ERC1: variants seen among roughly 807,000 people sequenced by gnomAD.
ERC1 encodes the protein ELKS/RAB6-interacting/CAST family member 1.
Under a neutral mutation model 132.0 loss-of-function variants are expected in ERC1, and 56 were observed. The ratio of observed to expected loss-of-function variants is 0.42; its 90% CI spans 0.34 to 0.53. The LOEUF is 0.53. Among genes scored for constraint, ERC1 ranks in the 20% least tolerant of loss-of-function variants. ERC1 has a pLI of 0.03. For missense variants in ERC1, 1,202 were observed against 1,349.9 expected (o/e 0.89, Z 1.72); for synonymous variants, 478 against 476.1 (o/e 1.00, Z -0.05).
At chr12:1,408,032 T>G in intron 16 of ERC1, 117 bp from the exon 17 acceptor site, 1 of 672,820 alleles carries the variant, frequency 1.5e-6, no homozygotes, top group Middle Eastern at 2.7e-4. Context: ...TTAGTTTATT[T>G]TATTGCAGAC....
intron 11 of ERC1, among the ~76,000 whole-genome samples, chr12:1,185,728 G>A (rs1594059408): frequency 7.3e-6 from 1 of 136,304 alleles, no homozygotes; most frequent in Non-Finnish European, 1.5e-5. Context: ...GGAACTCTAG[G>A]TTGTTTTTTT....
intron 8 of ERC1, among the ~76,000 whole-genome samples, chr12:1,169,460 T>G (rs1952818832): frequency 6.6e-6 from 1 of 152,202 alleles, no homozygotes; most frequent in Admixed American, 6.5e-5. Flanking sequence ...CTTTGGGACT[T>G]CGTGGCAGCT....
intron 17 of ERC1, among the ~76,000 whole-genome samples, chr12:1,419,243 G>A (rs1227468773): frequency 6.6e-6 from 1 of 152,036 alleles, no homozygotes; most frequent in African/African-American, 2.4e-5. Context: ...CCCCATGGTA[G>A]CAATGTATGT....
rs184657958 is a variant in ERC1 at position 1,322,002 on chromosome 12, C to T, written c.2780+31990C>T. 1.1e-4 allele frequency among the ~76,000 whole-genome samples: 16 copies of T among 150,902 alleles called. No individual in the cohort carries two copies. In the East Asian group the frequency reaches 2.3e-3, roughly 22 times the overall value. The stretch of plus-strand genomic sequence containing the variant: ...GCTTTCCATCTTTCCATACCACGTT[C>T]GGCAGTGGTAATATGTTTTATACCC... On this transcript the variant is annotated intron_variant, in intron 15 of 18. Coordinates refer to ENST00000360905, the MANE Select transcript of ERC1 (RefSeq NM_178040.4).
At chr12:1,211,492 A>G (rs1477440886) in intron 12 of ERC1, among the ~76,000 whole-genome samples, 1 of 152,164 alleles carries the variant, frequency 6.6e-6, no homozygotes, top group African/African-American at 2.4e-5. Flanking sequence ...ATGACTTTCC[A>G]AGAAAACTAG....
intron 3 of ERC1, among the ~76,000 whole-genome samples, chr12:1,091,377 A>G (rs1241234004): frequency 6.6e-6 from 1 of 151,916 alleles, no homozygotes; most frequent in Non-Finnish European, 1.5e-5. Context: ...TGAAGAGAAG[A>G]AGCCAGCTTT....
At chr12:1,478,791 T>TAAAA (rs149249485) in intron 18 of ERC1, among the ~76,000 whole-genome samples, 39 of 148,082 alleles carry the variant, frequency 2.6e-4, no homozygotes, top group African/African-American at 6.6e-4. Flanking sequence ...TCTGTCTCAA[T>TAAAA]AAAAAAAAGA....
At chr12:1,444,996 T>C (rs550726860) in intron 18 of ERC1, 342 of 393,764 alleles carry the variant, frequency 8.7e-4, no homozygotes, top group African/African-American at 6.3e-3. Flanking sequence ...TGATTTTTAA[T>C]TGATTTTTTA....
At chr12:1,140,688 T>G (rs1423269728) in intron 7 of ERC1, among the ~76,000 whole-genome samples, 1 of 152,202 alleles carries the variant, frequency 6.6e-6, no homozygotes, top group African/African-American at 2.4e-5. Context: ...CATAGAACCA[T>G]ACTTGATTTC....
At chr12:1,077,434 A>G (rs1941527520) in intron 2 of ERC1, among the ~76,000 whole-genome samples, 1 of 152,196 alleles carries the variant, frequency 6.6e-6, no homozygotes, top group South Asian at 2.1e-4. Flanking sequence ...AATTGTTGTA[A>G]TAAAAGTCAT....
At chr12:1,447,760 G>A (rs559336323) in intron 18 of ERC1, among the ~76,000 whole-genome samples, 137 of 151,820 alleles carry the variant, frequency 9.0e-4, no homozygotes, top group Non-Finnish European at 1.6e-3. Context: ...AGCAATTCTC[G>A]TGCCTCAGCC....
At chr12:1,138,497 T>C (rs1422454919) in intron 7 of ERC1, among the ~76,000 whole-genome samples, 3 of 150,946 alleles carry the variant, frequency 2.0e-5, no homozygotes, top group Non-Finnish European at 4.4e-5. Flanking sequence ...TATTACAAAA[T>C]ACCCTGAGAA....
chr12:1,418,615 CTTTCTT>C (rs1205047631), intron 17 of ERC1, among the ~76,000 whole-genome samples: 34 of 116,722 alleles, frequency 2.9e-4, no homozygotes, highest in African/African-American at 1.7e-3. Flanking sequence ...TTCTTTCTTT[CTTTCTT>C]TCTTTCTTTC....
intron 14 of ERC1, among the ~76,000 whole-genome samples, chr12:1,288,401 C>T (rs1264387166): frequency 6.6e-6 from 1 of 152,184 alleles, no homozygotes; most frequent in Non-Finnish European, 1.5e-5. Context: ...AGGCACGAGC[C>T]ACAGCGCCCG....
In ERC1 at chr12:1,007,490, C is replaced by CTT. The variant is rs1555194750; in HGVS notation, c.-157+16169_-157+16170insTT. 7.5e-3 allele frequency among the ~76,000 whole-genome samples: 1,011 copies of CTT among 134,104 alleles called. 8 individuals are homozygous for CTT. Among genetic ancestry groups the CTT allele is most frequent in the Middle Eastern group, 0.018 (5 of 272 alleles). The allele number at this position is 134,104 out of a possible 152,430, so 88.0% of individuals were successfully genotyped here. A position where few individuals can be genotyped will look rare whatever the true frequency, so the allele number is the denominator to read the frequency against. ...TCTCTCTCTCTCTCTCTCTCTCTCT[C>CTT]TCTTTCTCTCTCTCTCACTGGGTAA... On this transcript the variant is annotated intron_variant, in intron 1 of 18. Coordinates refer to ENST00000360905, the MANE Select transcript of ERC1 (RefSeq NM_178040.4).
intron 11 of ERC1, among the ~76,000 whole-genome samples, chr12:1,186,528 A>C (rs760732341): frequency 7.9e-5 from 12 of 152,320 alleles, no homozygotes; most frequent in South Asian, 2.1e-4. Context: ...CTCTTGTCCA[A>C]AGGTGATATT....
At chr12:1,410,653 T>C (rs2091787430) in intron 17 of ERC1, among the ~76,000 whole-genome samples, 1 of 151,454 alleles carries the variant, frequency 6.6e-6, no homozygotes, top group Non-Finnish European at 1.5e-5. Flanking sequence ...GCTTTTTTTT[T>C]TTTTTCTCGT....
At chr12:1,218,741 T>C (rs113322685) in intron 12 of ERC1, among the ~76,000 whole-genome samples, 78 of 152,024 alleles carry the variant, frequency 5.1e-4, no homozygotes, top group African/African-American at 1.8e-3. Context: ...CTCTTTCACC[T>C]GTCATTCCTT....
Position 1,093,979 on chromosome 12 carries a change from A to ATTTTTC in ERC1, c.1086+10400_1086+10401insTTTTCT, listed in dbSNP as rs1565949554. 5.1e-3 allele frequency among the ~76,000 whole-genome samples: 646 copies of ATTTTTC among 127,656 alleles called. 10 individuals are homozygous for ATTTTTC. The highest frequency in any genetic ancestry group is 0.015 in the African/African-American group (527 of 34,540). The allele number at this position is 127,656 out of a possible 152,430, so 83.7% of individuals were successfully genotyped here. A position where few individuals can be genotyped will look rare whatever the true frequency, so the allele number is the denominator to read the frequency against. On this transcript the variant is annotated intron_variant, in intron 3 of 18. Coordinates refer to ENST00000360905, the MANE Select transcript of ERC1 (RefSeq NM_178040.4). ...TTTCTATATATATATATATATATAT[A>ATTTTTC]TATATAGAAAAACATAGAAAATGAA...
Sources: allele counts gnomAD v4.1 joint callset (sites outside exome capture counted in the v4.1 genomes callset), GRCh38; gene constraint gnomAD v4.1.1; transcripts MANE v1.5; gene names NCBI Gene and HGNC (gene_info 2026-07-23, HGNC 2026-07-21).